The following TRIM63 variants were observed in gnomAD, a reference collection of about 807,000 sequenced individuals.
TRIM63 encodes E3 ubiquitin-protein ligase TRIM63.
TRIM63 carries 48 observed loss-of-function variants against 46.0 expected under a neutral mutation model. The observed-to-expected ratio is 1.04, with a 90% CI of 0.83 to 1.33. The LOEUF (loss-of-function observed/expected upper bound fraction) is 1.33, where lower values mean the gene tolerates loss of function less well. TRIM63 is among the 40% of genes most tolerant of loss of function. TRIM63 has a pLI of 0.00. For synonymous variants in TRIM63, 175 were observed against 162.8 expected, an observed-to-expected ratio of 1.08 and a Z score of -0.57; for missense variants, 455 against 441.2, an observed-to-expected ratio of 1.03 and a Z score of -0.28.
intron 8 of TRIM63, among the ~76,000 whole-genome samples, chr1:26,052,996 T>C (rs975757298): frequency 6.6e-6 from 1 of 152,172 alleles, no homozygotes; most frequent in Non-Finnish European, 1.5e-5. Context: ...AAGGCAAGAG[T>C]GCAGTGGCGC....
chr1:26,063,238 C>T (rs897091875), intron 2 of TRIM63, among the ~76,000 whole-genome samples: 9 of 143,060 alleles, frequency 6.3e-5, no homozygotes, highest in East Asian at 2.1e-4. Context: ...GGTGTAGATT[C>T]GATTTTTTGA....
intron 1 of TRIM63, 98 bp from the exon 2 acceptor site, chr1:26,066,538 C>T (rs2050680336): frequency 8.8e-7 from 1 of 1,133,796 alleles, no homozygotes; most frequent in Non-Finnish European, 1.2e-6. Context: ...TCCGAACCAC[C>T]CCCGTCAAAC....
intron 7 of TRIM63, among the ~76,000 whole-genome samples, chr1:26,054,947 G>A (rs574184438): frequency 1.4e-5 from 2 of 141,166 alleles, no homozygotes; most frequent in East Asian, 4.0e-4. Flanking sequence ...CAACCTGGGC[G>A]ACAAGAGCAA....
chr1:26,055,908 A>G (rs752328155), intron 7 of TRIM63, among the ~76,000 whole-genome samples: 1 of 152,096 alleles, frequency 6.6e-6, no homozygotes, highest in Non-Finnish European at 1.5e-5. Flanking sequence ...CTGCTTTGGG[A>G]TGTATTTTGT....
At chr1:26,052,534 G>A (rs185132900) in intron 8 of TRIM63, among the ~76,000 whole-genome samples, 6 of 152,136 alleles carry the variant, frequency 3.9e-5, no homozygotes, top group African/African-American at 9.6e-5. Flanking sequence ...GCGTGATCTC[G>A]GCTCACTGCA....
chr1:26,054,604 C>T (rs1220522344), intron 7 of TRIM63, among the ~76,000 whole-genome samples: 1 of 152,162 alleles, frequency 6.6e-6, no homozygotes, highest in Non-Finnish European at 1.5e-5. Context: ...TTCCCCGCTC[C>T]TCTCCCAAGC....
intron 2 of TRIM63, among the ~76,000 whole-genome samples, chr1:26,064,472 C>G (rs1391816629): frequency 6.6e-6 from 1 of 152,022 alleles, no homozygotes; most frequent in East Asian, 1.9e-4. Context: ...CTCACACCCT[C>G]TCTCTCTTAG....
intron 6 of TRIM63, 144 bp from the exon 7 acceptor site, chr1:26,057,471 CA>C: frequency 2.1e-6 from 3 of 1,400,522 alleles, no homozygotes; most frequent in Non-Finnish European, 2.9e-6. Flanking sequence ...ACCTCAAGCA[CA>C]AGGAGTGGTC....
chr1:26,051,420 T>G lies in TRIM63; in HGVS notation c.*453A>C, dbSNP rs1325961270. The G allele has an allele frequency of 6.5e-6, 1 of 154,332 alleles. No individual in the cohort carries two copies. Among genetic ancestry groups the G allele is most frequent in the African/African-American group, 2.4e-5 (1 of 41,522 alleles). The allele number at this position is 154,332 out of a possible 1,614,324, so 9.6% of individuals were successfully genotyped here. A position where few individuals can be genotyped will look rare whatever the true frequency, so the allele number is the denominator to read the frequency against. Reference sequence around the variant, plus strand: ...AAATACAGCACATCGTCCCTGTGAGTGCTACCCCATCCTCCTGCTCAGGAA... The same window carrying G: ...AAATACAGCACATCGTCCCTGTGAGGGCTACCCCATCCTCCTGCTCAGGAA... On this transcript the variant is annotated 3_prime_UTR_variant, in exon 9 of 9. Transcript: ENST00000374272.
chr1:26,053,868 G>A (rs1386823531), intron 8 of TRIM63, 25 bp downstream of exon 8: 13 of 1,544,304 alleles, frequency 8.4e-6, no homozygotes, highest in Non-Finnish European at 1.2e-5. Context: ...AGGAACGAAG[G>A]AATGGAGGTA....
chr1:26,059,144 C>T (rs2050600061), intron 4 of TRIM63, among the ~76,000 whole-genome samples: 2 of 151,734 alleles, frequency 1.3e-5, no homozygotes, highest in South Asian at 4.2e-4. Context: ...CCTGCCTCAG[C>T]CTCCCGAGTA....
intron 7 of TRIM63, among the ~76,000 whole-genome samples, chr1:26,054,968 C>CA (rs60719420): frequency 0.1 from 10,026 of 97,314 alleles, 1,273 homozygotes; most frequent in African/African-American, 0.35. Flanking sequence ...AACTCCGTCT[C>CA]AAAAAAAAAA....
At chr1:26,067,015 G>A (rs2050684594) in intron 1 of TRIM63, among the ~76,000 whole-genome samples, 2 of 152,006 alleles carry the variant, frequency 1.3e-5, no homozygotes, top group Admixed American at 6.6e-5. Context: ...CAGGGGTCTG[G>A]TTTCTCTCTC....
chr1:26,066,000 C>T (rs2050673361), intron 2 of TRIM63, among the ~76,000 whole-genome samples: 1 of 152,190 alleles, frequency 6.6e-6, no homozygotes, highest in African/African-American at 2.4e-5. Context: ...CCTTTCTCTC[C>T]CTCTCACATC....
rs1282639429 is a variant in TRIM63, at chr1:26,067,617, G to T, written c.-123C>A. The T allele has an allele frequency of 9.2e-7, 1 of 1,092,394 alleles. No homozygotes were observed. The highest frequency in any genetic ancestry group is 1.3e-6 in the Non-Finnish European group (1 of 774,742). The allele number at this position is 1,092,394 out of a possible 1,614,324, so 67.7% of individuals were successfully genotyped here. On this transcript the variant is annotated 5_prime_UTR_variant, in exon 1 of 9. Transcript: ENST00000374272. ...CGGATCCTGTTGGCTTCCTTCTCCT[G>T]GTGCCCGAATTCTGTCTTGGTCTGA... is the stretch of plus-strand genomic sequence containing the variant.
chr1:26,051,778 CCCCT>C lies in TRIM63; in HGVS notation c.*91_*94del. ...CCCATTGCCCCTCCAGGGGCCCCGA[CCCCT>C]CCCACCCTGGGCCTGTCACCAAGGC... is the stretch of plus-strand genomic sequence containing the variant. On this transcript the variant is annotated 3_prime_UTR_variant, in exon 9 of 9. Transcript: ENST00000374272. 1.7e-6 allele frequency: 1 copy of C among 578,916 alleles called. No homozygotes were observed. The highest frequency in any genetic ancestry group is 2.7e-6 in the Non-Finnish European group (1 of 376,790). 35.9% of individuals were successfully genotyped at this position (578,916 alleles called of 1,614,324 possible).
In TRIM63 at chr1:26,053,971, C is replaced by CA. The variant is rs762113720; in HGVS notation, c.980-8dup. 12 of 1,573,632 alleles carry CA rather than the reference C, an allele frequency of 7.6e-6. No homozygotes were observed. The highest frequency in any genetic ancestry group is 2.4e-5 in the South Asian group (2 of 85,090). The stretch of plus-strand genomic sequence containing the variant: ...AATTCTTCCTCTTCCTCATCTGTGA[C>CA]AAAAAAACATTTGTGTTAGGATGGG... On this transcript the variant is annotated splice_region_variant and splice_polypyrimidine_tract_variant and intron_variant, in intron 7 of 8. Coordinates refer to ENST00000374272, the MANE Select transcript of TRIM63 (RefSeq NM_032588.4).
At chr1:26,054,284 T>A (rs2050549793) in intron 7 of TRIM63, among the ~76,000 whole-genome samples, 1 of 152,260 alleles carries the variant, frequency 6.6e-6, no homozygotes, top group African/African-American at 2.4e-5. Context: ...TCTGTGCTTC[T>A]GCACATCTCT....
intron 4 of TRIM63, among the ~76,000 whole-genome samples, chr1:26,058,909 TTGTTCCTGCACCCTCCCCC>T (rs1199578009): frequency 3.9e-5 from 6 of 152,144 alleles, no homozygotes; most frequent in African/African-American, 1.4e-4. Flanking sequence ...ATGTTCTTCC[TTGTTCCTGCACCCTCCCCC>T]TGTCCCCCAA....
Sources: allele counts gnomAD v4.1 joint callset (sites outside exome capture counted in the v4.1 genomes callset), GRCh38; gene constraint gnomAD v4.1.1; transcripts MANE v1.5; gene names NCBI Gene and HGNC (gene_info 2026-07-23, HGNC 2026-07-21).